MGA: variants seen among roughly 807,000 people sequenced by gnomAD.
The protein encoded by MGA is MAX dimerization protein MGA.
A neutral mutation model predicts 261.1 loss-of-function variants in MGA; 40 were observed. The observed-to-expected ratio is 0.15, with a 90% confidence interval of 0.12 to 0.20. The LOEUF (loss-of-function observed/expected upper bound fraction) is 0.20, where lower values mean the gene tolerates loss of function less well. MGA is among the 10% of genes least tolerant of loss of function. The pLI is 1.00. For synonymous variants in MGA, 1,302 were observed against 1,290.6 expected (o/e 1.01, Z -0.19); for missense variants, 3,397 against 3,630.5 (o/e 0.94, Z 1.65).
chr15:41,677,644 TGAAGG>T (rs909503572), intron 2 of MGA, among the ~76,000 whole-genome samples: 3 of 152,216 alleles, frequency 2.0e-5, no homozygotes, highest in African/African-American at 7.2e-5. Flanking sequence ...TTAATGGGTA[TGAAGG>T]GATAGCTCGT....
In MGA at chr15:41,698,171, C is replaced by CTTT. The variant is rs11442137; in HGVS notation, c.2014-677_2014-675dup. The stretch of plus-strand genomic sequence containing the variant: ...AAGCGTGAGCCACTGCCCCTGGCCT[C>CTTT]TTTTTTTTTTTTTTTTTGAGACGGA... On this transcript the variant is annotated intron_variant, in intron 3 of 23. Coordinates refer to ENST00000219905, the MANE Select transcript of MGA (RefSeq NM_001164273.2). 5.3e-4 allele frequency among the ~76,000 whole-genome samples: 61 copies of CTTT among 115,962 alleles called. 1 individual carries two copies. Among genetic ancestry groups the CTTT allele is most frequent in the South Asian group, 2.0e-3 (7 of 3,430 alleles). 76.1% of individuals were successfully genotyped at this position (115,962 alleles called of 152,430 possible).
rs1201088612 is a variant in MGA at position 41,727,353 on chromosome 15, C to T, written c.3604C>T (p.Leu1202=). 2 of 1,613,852 alleles carry T rather than the reference C, an allele frequency of 1.2e-6. No individual in the cohort carries two copies. The highest frequency in any genetic ancestry group is 1.7e-5 in the Admixed American group (1 of 59,998). ...TTTATCTCCTACTGTGAAGGGCAAA[C>T]TGCTCACTGGAATTAAATCTCCACG... The change falls in exon 10 of 24, where the codon CTG becomes TTG. Residue 1202 remains leucine (L), a synonymous_variant. Coordinates refer to ENST00000219905, the MANE Select transcript of MGA (RefSeq NM_001164273.2).
chr15:41,734,802 T>G (rs8038148), intron 12 of MGA, among the ~76,000 whole-genome samples: 6,952 of 152,126 alleles, frequency 0.046, 212 homozygotes, highest in East Asian at 0.1. Flanking sequence ...TAAAAGAAAA[T>G]TCATTCATGT....
In MGA at chr15:41,767,508, C is replaced by T. The variant is rs1448515440; in HGVS notation, c.*228C>T. ...CCTCACTTGTGGTGCTGGGTCCCCT[C>T]ATCCTCTCTAAGAAGATGTGATCCA... On this transcript the variant is annotated 3_prime_UTR_variant, in exon 24 of 24. Coordinates refer to ENST00000219905, the MANE Select transcript of MGA (RefSeq NM_001164273.2). The T allele has an allele frequency of 3.6e-6, 2 of 559,764 alleles. No homozygotes were observed. Among genetic ancestry groups the T allele is most frequent in the African/African-American group, 3.7e-5 (2 of 53,364 alleles). 34.7% of individuals were successfully genotyped at this position (559,764 alleles called of 1,614,324 possible).
chr15:41,760,206 T>G (rs201724647), intron 19 of MGA, 117 bp from the exon 20 acceptor site: 23 of 925,926 alleles, frequency 2.5e-5, no homozygotes. Flanking sequence ...TGAGAGGCTG[T>G]TACAACAGTC....
intron 2 of MGA, among the ~76,000 whole-genome samples, chr15:41,693,520 G>A (rs1197919386): frequency 3.3e-5 from 5 of 152,060 alleles, no homozygotes; most frequent in South Asian, 2.1e-4. Flanking sequence ...ACACATTCAT[G>A]TAATGGTTGC....
In MGA at chr15:41,757,975, G is replaced by GT. The variant is rs377020008; in HGVS notation, c.7191+142dup. On this transcript the variant is annotated intron_variant, in intron 19 of 23. Coordinates refer to ENST00000219905, the MANE Select transcript of MGA (RefSeq NM_001164273.2). ...TTTTGCCAGTGAGTTAATATAATCAGTTTTTTCTCCTTAATCAAATTATAC... is the reference window on the plus strand; with the variant it reads ...TTTTGCCAGTGAGTTAATATAATCAGTTTTTTTCTCCTTAATCAAATTATAC... The GT allele has an allele frequency of 1.8e-4, 116 of 636,302 alleles. 1 individual carries two copies. Among genetic ancestry groups the GT allele is most frequent in the African/African-American group, 1.8e-3 (97 of 54,800 alleles). The allele number at this position is 636,302 out of a possible 1,614,324, so 39.4% of individuals were successfully genotyped here.
At chr15:41,707,613 T>G in intron 5 of MGA, 115 bp from the exon 6 acceptor site, 10 of 985,650 alleles carry the variant, frequency 1.0e-5, no homozygotes, top group Non-Finnish European at 1.3e-5. Context: ...CACTATCTCC[T>G]TTCTCTCTCG....
intron 14 of MGA, among the ~76,000 whole-genome samples, 186 bp downstream of exon 14, chr15:41,740,389 T>A (rs757557893): frequency 5.3e-5 from 8 of 152,196 alleles, no homozygotes; most frequent in Non-Finnish European, 1.2e-4. Flanking sequence ...CAATATTAGA[T>A]GAATTGAGTT....
At chr15:41,691,884 G>C (rs181341428) in intron 2 of MGA, among the ~76,000 whole-genome samples, 1 of 151,578 alleles carries the variant, frequency 6.6e-6, no homozygotes, top group African/African-American at 2.4e-5. Flanking sequence ...GCCTGACCTT[G>C]ATGTGCCTAG....
At position 41,750,145 on chromosome 15, in the gene MGA, G is replaced by A. The variant is rs778316806; in HGVS notation, c.6538G>A (p.Gly2180Ser). The A allele has an allele frequency of 6.2e-7, 1 of 1,613,872 alleles. No homozygotes were observed. Among genetic ancestry groups the A allele is most frequent in the East Asian group, 2.2e-5 (1 of 44,880 alleles). ...GGAAAGATGGAGAAAACATCTGAAG[G>A]GCCCCTTAACCAGGAAATGTGTTGG... Residue 2180 changes from glycine (G) to serine (S), a missense_variant, in exon 17 of 24, where the codon GGC becomes AGC. Around this residue, in one of 9 missense-constraint regions of MGA, gnomAD observed 1,410 missense variants for 1,386.4 expected, o/e 1.02. Coordinates refer to ENST00000219905, the MANE Select transcript of MGA (RefSeq NM_001164273.2).
At position 41,729,154 on chromosome 15, in the gene MGA, A is replaced by C; in HGVS notation, c.3658-10A>C. The C allele has an allele frequency of 1.2e-6, 2 of 1,611,896 alleles. No homozygotes were observed. The highest frequency in any genetic ancestry group is 1.7e-6 in the Non-Finnish European group (2 of 1,178,900). Reference sequence around the variant, plus strand: ...ACTGTATGGAATATTTTGTTGTATGAAATTTACAGATTCGGGAAGAGGACA... The same window carrying C: ...ACTGTATGGAATATTTTGTTGTATGCAATTTACAGATTCGGGAAGAGGACA... On this transcript the variant is annotated splice_polypyrimidine_tract_variant and intron_variant, in intron 10 of 23. Transcript: ENST00000219905.
intron 1 of MGA, among the ~76,000 whole-genome samples, chr15:41,663,341 A>G (rs1257936713): frequency 6.6e-6 from 1 of 152,146 alleles, no homozygotes; most frequent in Non-Finnish European, 1.5e-5. Context: ...AGCCGAATTG[A>G]AAGTTTTTGA....
chr15:41,744,646 T>G (rs1316943203), intron 15 of MGA, among the ~76,000 whole-genome samples: 1 of 152,242 alleles, frequency 6.6e-6, no homozygotes, highest in Non-Finnish European at 1.5e-5. Flanking sequence ...ATATCTGTTA[T>G]ATTTTAACAG....
chr15:41,690,234 G>A (rs1415842977), intron 2 of MGA, among the ~76,000 whole-genome samples: 1 of 152,112 alleles, frequency 6.6e-6, no homozygotes, highest in East Asian at 1.9e-4. Context: ...TTAGCTTGAT[G>A]TTTTTAAGGT....
At chr15:41,668,096 A>G (rs1234070239) in intron 1 of MGA, among the ~76,000 whole-genome samples, 1 of 148,360 alleles carries the variant, frequency 6.7e-6, no homozygotes, top group African/African-American at 2.5e-5. Context: ...GAGCCACCAC[A>G]CCTGGCATCA....
intron 1 of MGA, among the ~76,000 whole-genome samples, chr15:41,644,614 G>A (rs1274513627): frequency 6.6e-6 from 1 of 151,914 alleles, no homozygotes; most frequent in Non-Finnish European, 1.5e-5. Context: ...AGCCGAGACT[G>A]TACCACTGCC....
chr15:41,745,205 G>A (rs543329687), intron 15 of MGA, among the ~76,000 whole-genome samples: 4 of 142,886 alleles, frequency 2.8e-5, no homozygotes, highest in African/African-American at 7.8e-5. Context: ...AAAAGAGACA[G>A]CATTGACCTT....
At position 41,750,487 on chromosome 15, in the gene MGA, G is replaced by T. The variant is rs202145862; in HGVS notation, c.6880G>T (p.Ala2294Ser). 822 of 1,613,804 alleles carry T rather than the reference G, an allele frequency of 5.1e-4. 1 individual carries two copies. The highest frequency in any genetic ancestry group is 6.7e-4 in the Non-Finnish European group (789 of 1,179,870). The stretch of plus-strand genomic sequence containing the variant: ...AGAGAAGAAGGGTGGGAGAAGCAGT[G>T]CTGACTTCACTGTTTTGGATTTGGA... Residue 2294 changes from alanine (A) to serine (S), a missense_variant, in exon 17 of 24, where the codon GCT becomes TCT. Around this residue, in one of 9 missense-constraint regions of MGA, gnomAD observed 1,410 missense variants for 1,386.4 expected, o/e 1.02. Coordinates refer to ENST00000219905, the MANE Select transcript of MGA (RefSeq NM_001164273.2).
Sources: allele counts gnomAD v4.1 joint callset (sites outside exome capture counted in the v4.1 genomes callset), GRCh38; gene constraint gnomAD v4.1.1; regional missense constraint gnomAD v4.1.1; transcripts MANE v1.5; gene names NCBI Gene and HGNC (gene_info 2026-07-23, HGNC 2026-07-21).